The following CEP350 variants were observed in gnomAD, a reference collection of about 807,000 sequenced individuals.
CEP350 encodes the protein centrosomal protein 350, also known as centrosome-associated protein 350.
Under a neutral mutation model 331.8 loss-of-function variants are expected in CEP350, and 126 were observed. The ratio of observed to expected loss-of-function variants is 0.38; its 90% CI spans 0.33 to 0.44. The LOEUF is 0.44. Among genes scored for constraint, CEP350 ranks in the 20% least tolerant of loss-of-function variants. The probability of loss-of-function intolerance (pLI) is 1.00; values close to 1 mark genes in which losing one functional copy is unlikely to be tolerated. For missense variants in CEP350, 3,406 were observed against 3,634.6 expected, an observed-to-expected ratio of 0.94 and a Z score of 1.62; for synonymous variants, 1,200 against 1,259.5, an observed-to-expected ratio of 0.95 and a Z score of 1.00.
At chr1:179,978,227 G>A (rs1460921590) in intron 1 of CEP350, among the ~76,000 whole-genome samples, 1 of 151,832 alleles carries the variant, frequency 6.6e-6, no homozygotes, top group Non-Finnish European at 1.5e-5. Context: ...CTATATAACA[G>A]AATGCTTAAC....
chr1:180,044,169 AG>A lies in CEP350; in HGVS notation c.4619del (p.Arg1540LysfsTer30). 6.4e-7 allele frequency: 1 copy of A among 1,561,660 alleles called. No homozygotes were observed. Among genetic ancestry groups the A allele is most frequent in the Non-Finnish European group, 8.7e-7 (1 of 1,154,262 alleles). On this transcript the variant is annotated frameshift_variant, in exon 21 of 38. Coordinates refer to ENST00000367607, the MANE Select transcript of CEP350 (RefSeq NM_014810.5). LOFTEE classifies it high-confidence loss of function. ...SESSGYKNHD[R>X]RSSSGSSRQE... ...GTCTTCAGGATACAAGAATCATGAT[AG>A]AAGGTGAAGACAATTTGATTTCTTT...
chr1:180,012,440 T>C (rs1020899151), intron 9 of CEP350, among the ~76,000 whole-genome samples: 1 of 152,168 alleles, frequency 6.6e-6, no homozygotes, highest in African/African-American at 2.4e-5. Context: ...AAGGTTGGAT[T>C]TTTTTTATTT....
intron 17 of CEP350, among the ~76,000 whole-genome samples, chr1:180,038,840 CTT>C (rs1656550965): frequency 6.6e-6 from 1 of 152,074 alleles, no homozygotes. Flanking sequence ...TAAACTGTGT[CTT>C]TTGAGGAATA....
intron 37 of CEP350, among the ~76,000 whole-genome samples, chr1:180,099,244 T>C (rs1303665887): frequency 6.6e-6 from 1 of 152,200 alleles, no homozygotes; most frequent in Non-Finnish European, 1.5e-5. Flanking sequence ...AAGTTTAAGG[T>C]AGTGAATTGA....
At chr1:179,961,096 C>T (rs563361265) in intron 1 of CEP350, among the ~76,000 whole-genome samples, 1 of 151,934 alleles carries the variant, frequency 6.6e-6, no homozygotes, top group Non-Finnish European at 1.5e-5. Flanking sequence ...GTGTGTTATA[C>T]GTGTATGTGT....
Position 179,954,942 on chromosome 1 carries a change from G to A in CEP350, c.-214G>A. 1 of 957,472 alleles carries A rather than the reference G, an allele frequency of 1.0e-6. No individual in the cohort carries two copies. Among genetic ancestry groups the A allele is most frequent in the East Asian group, 3.3e-5 (1 of 30,242 alleles). 59.3% of individuals were successfully genotyped at this position (957,472 alleles called of 1,614,324 possible). ...GGGGGTGGCTTGCCCTGAGGGAGGG[G>A]AGGCAGCCTTTCCGCCTTGTCTTCC... On this transcript the variant is annotated 5_prime_UTR_variant, in exon 1 of 38. Transcript: ENST00000367607.
In CEP350 at chr1:180,030,630, T is replaced by C. The variant is rs368089860; in HGVS notation, c.3551-690T>C. Among the ~76,000 whole-genome samples, 14 of 152,086 alleles carry C rather than the reference T, an allele frequency of 9.2e-5. No individual in the cohort carries two copies. In the East Asian group the frequency reaches 1.9e-3, roughly 21 times the overall value. Reference sequence around the variant, plus strand: ...CCTCATCAGTAAATTTGGGATATAGTACTTATTTCATAACATGTTTAAGAG... The same window carrying C: ...CCTCATCAGTAAATTTGGGATATAGCACTTATTTCATAACATGTTTAAGAG... On this transcript the variant is annotated intron_variant, in intron 14 of 37. Transcript: ENST00000367607.
At chr1:180,031,914 C>A (rs1188681936) in intron 15 of CEP350, among the ~76,000 whole-genome samples, 1 of 152,082 alleles carries the variant, frequency 6.6e-6, no homozygotes, top group Non-Finnish European at 1.5e-5. Flanking sequence ...TATCTCATTT[C>A]TTTTGTCTAT....
intron 1 of CEP350, among the ~76,000 whole-genome samples, chr1:179,973,901 T>C (rs761203752): frequency 3.9e-4 from 59 of 152,234 alleles, no homozygotes; most frequent in Non-Finnish European, 6.8e-4. Context: ...TTCTTATGAG[T>C]GGTTTTGCAG....
At chr1:179,989,320 A>C (rs949278845) in intron 3 of CEP350, among the ~76,000 whole-genome samples, 2 of 151,704 alleles carry the variant, frequency 1.3e-5, no homozygotes, top group African/African-American at 4.8e-5. Flanking sequence ...TCTCTACAAA[A>C]AAAAATACAA....
chr1:180,040,473 TG>T (rs982428275), intron 17 of CEP350, among the ~76,000 whole-genome samples: 3 of 151,434 alleles, frequency 2.0e-5, no homozygotes, highest in Non-Finnish European at 4.4e-5. Flanking sequence ...AAAATAGAGG[TG>T]GGGGGGTCTC....
intron 5 of CEP350, among the ~76,000 whole-genome samples, chr1:179,994,657 T>G (rs1012992504): frequency 2.0e-5 from 3 of 152,044 alleles, no homozygotes; most frequent in African/African-American, 7.2e-5. Flanking sequence ...TTTTGCCGTG[T>G]TGCCCAGGCT....
At chr1:179,960,534 G>C (rs1344530284) in intron 1 of CEP350, among the ~76,000 whole-genome samples, 1 of 152,064 alleles carries the variant, frequency 6.6e-6, no homozygotes, top group Non-Finnish European at 1.5e-5. Context: ...ACATCTATAG[G>C]ACACTACTCA....
chr1:180,000,060 G>C (rs1558089620), intron 6 of CEP350, among the ~76,000 whole-genome samples: 1 of 152,116 alleles, frequency 6.6e-6, no homozygotes, highest in Admixed American at 6.5e-5. Flanking sequence ...TAAGTGCACA[G>C]TAAGTTTTTT....
intron 11 of CEP350, 37 bp from the exon 12 acceptor site, chr1:180,019,912 G>A (rs963740628): frequency 6.6e-7 from 1 of 1,511,746 alleles, no homozygotes. Context: ...TAAAATGGTG[G>A]TTTAGTTAAC....
At chr1:179,965,945 C>G (rs1343813548) in intron 1 of CEP350, among the ~76,000 whole-genome samples, 4 of 152,172 alleles carry the variant, frequency 2.6e-5, no homozygotes, top group East Asian at 1.9e-4. Flanking sequence ...TCTTTTTAAC[C>G]TAGCTACTAT....
intron 28 of CEP350, among the ~76,000 whole-genome samples, 175 bp from the exon 29 acceptor site, chr1:180,078,288 G>C (rs1659359424): frequency 1.3e-5 from 2 of 152,198 alleles, no homozygotes; most frequent in South Asian, 4.1e-4. Flanking sequence ...CAAATAGACT[G>C]TGAAATAGAT....
At position 179,996,772 on chromosome 1, in the gene CEP350, A is replaced by G. The variant is rs1653485223; in HGVS notation, c.615A>G (p.Ala205=). The G allele has an allele frequency of 6.2e-7, 1 of 1,613,602 alleles. No individual in the cohort carries two copies. The highest frequency in any genetic ancestry group is 8.5e-7 in the Non-Finnish European group (1 of 1,179,596). Residue 205 remains alanine, a synonymous_variant, in exon 6 of 38, where the codon GCA becomes GCG. Coordinates refer to ENST00000367607, the MANE Select transcript of CEP350 (RefSeq NM_014810.5). ...TAAATGATCGACCAGCAATTGATGC[A>G]TTGCAAAATTCTGAATGTTTGATTA... ...RFLNDRPAID[A]LQNSECLIRM...
chr1:180,049,488 G>A (rs1300164125), intron 22 of CEP350, among the ~76,000 whole-genome samples: 2 of 151,386 alleles, frequency 1.3e-5, no homozygotes, highest in Admixed American at 1.3e-4. Context: ...AGTATTACTT[G>A]GACTGCTGCT....
Sources: allele counts gnomAD v4.1 joint callset (sites outside exome capture counted in the v4.1 genomes callset), GRCh38; gene constraint gnomAD v4.1.1; transcripts MANE v1.5; gene names NCBI Gene and HGNC (gene_info 2026-07-23, HGNC 2026-07-21).